The following USH2A variants were observed in gnomAD, a reference collection of about 807,000 sequenced individuals.
The protein encoded by USH2A is Usher syndrome 2A (autosomal recessive, mild).
USH2A carries 443 observed loss-of-function variants against 538.9 expected under a neutral mutation model. The observed-to-expected ratio is 0.82, with a 90% CI of 0.76 to 0.89. The LOEUF is 0.89. Ranked by LOEUF, USH2A falls within the 40% of genes least tolerant of loss-of-function variation. The probability of loss-of-function intolerance (pLI) is 0.00; values close to 1 mark genes in which losing one functional copy is unlikely to be tolerated. For synonymous variants in USH2A, 2,413 were observed against 2,273.5 expected (o/e 1.06, Z -1.75); for missense variants, 6,633 against 6,324.8 (o/e 1.05, Z -1.65).
intron 21 of USH2A, among the ~76,000 whole-genome samples, chr1:216,102,020 A>T (rs1471497028): frequency 6.6e-6 from 1 of 152,208 alleles, no homozygotes; most frequent in African/African-American, 2.4e-5. Flanking sequence ...CTTAAACGAT[A>T]AATGTGAAGC....
At chr1:216,042,410 C>T (rs567898724) in intron 32 of USH2A, among the ~76,000 whole-genome samples, 5 of 151,956 alleles carry the variant, frequency 3.3e-5, no homozygotes, top group South Asian at 2.1e-4. Flanking sequence ...TTCCACTTCT[C>T]GGTTTCTCTA....
chr1:216,365,900 G>A (rs2038586816), intron 3 of USH2A, among the ~76,000 whole-genome samples: 1 of 152,132 alleles, frequency 6.6e-6, no homozygotes, highest in Non-Finnish European at 1.5e-5. Flanking sequence ...GTTGTAGCTT[G>A]ATAACTCTTG....
chr1:215,850,996 T>A (rs1005468158), intron 44 of USH2A, among the ~76,000 whole-genome samples: 9 of 152,148 alleles, frequency 5.9e-5, no homozygotes. Flanking sequence ...TTGAACTGAA[T>A]GATAATAGTG....
chr1:216,401,313 C>A (rs1376018018), intron 3 of USH2A, among the ~76,000 whole-genome samples: 2 of 151,978 alleles, frequency 1.3e-5, no homozygotes, highest in Non-Finnish European at 2.9e-5. Context: ...GCTGTTAAAA[C>A]ACCAAGATAG....
At chr1:216,058,869 A>G (rs771722099) in intron 30 of USH2A, among the ~76,000 whole-genome samples, 7 of 152,318 alleles carry the variant, frequency 4.6e-5, no homozygotes, top group Admixed American at 6.5e-5. Context: ...TAAGATAAGT[A>G]TATTAATCAC....
chr1:216,079,047 T>G (rs2031847422), intron 26 of USH2A: 1 of 152,200 alleles, frequency 6.6e-6, no homozygotes, highest in Non-Finnish European at 1.5e-5. Context: ...ATAATTATTT[T>G]ACCTAATATA....
chr1:216,146,381 A>G (rs1338646612), intron 21 of USH2A, among the ~76,000 whole-genome samples: 1 of 152,220 alleles, frequency 6.6e-6, no homozygotes, highest in Non-Finnish European at 1.5e-5. Flanking sequence ...CGCTGGTCAC[A>G]GACTGGGAAG....
At chr1:216,155,629 A>G (rs1419969347) in intron 21 of USH2A, among the ~76,000 whole-genome samples, 1 of 152,102 alleles carries the variant, frequency 6.6e-6, no homozygotes, top group Non-Finnish European at 1.5e-5. Flanking sequence ...AACCTTCAAG[A>G]CTTCAGAGAG....
rs35698520 is a variant in USH2A, at chr1:216,156,295, CT to C, written c.4627+18956del. On this transcript the variant is annotated intron_variant, in intron 21 of 71. Coordinates refer to ENST00000307340, the MANE Select transcript of USH2A (RefSeq NM_206933.4). ...TTCTTTCTTTCTTTCTTTTTTTTTTCTTTTTTTTTTTTTTTTTGGCCTAGCT... is the reference window on the plus strand; with the variant it reads ...TTCTTTCTTTCTTTCTTTTTTTTTTCTTTTTTTTTTTTTTTTGGCCTAGCT... Among the ~76,000 whole-genome samples the C allele has an allele frequency of 1.8e-4, 19 of 105,522 alleles. 1 individual carries two copies. Among genetic ancestry groups the C allele is most frequent in the Admixed American group, 5.6e-4 (5 of 8,982 alleles). 69.2% of individuals were successfully genotyped at this position (105,522 alleles called of 152,430 possible).
chr1:215,924,471 T>A lies in USH2A; in HGVS notation c.7300+10145A>T, dbSNP rs903198296. ...CATAGAATTTTATGCAAGTCAGGCATACAGTTTGTCTATGAAAAAATGAGG... is the reference window on the plus strand; with the variant it reads ...CATAGAATTTTATGCAAGTCAGGCAAACAGTTTGTCTATGAAAAAATGAGG... On this transcript the variant is annotated intron_variant, in intron 38 of 71. Coordinates refer to ENST00000307340, the MANE Select transcript of USH2A (RefSeq NM_206933.4). 1.2e-4 allele frequency among the ~76,000 whole-genome samples: 19 copies of A among 152,110 alleles called. 1 individual carries two copies. Among genetic ancestry groups the A allele is most frequent in the African/African-American group, 4.1e-4 (17 of 41,452 alleles).
At chr1:216,341,076 G>T (rs1422065937) in intron 4 of USH2A, among the ~76,000 whole-genome samples, 2 of 152,098 alleles carry the variant, frequency 1.3e-5, no homozygotes, top group East Asian at 3.9e-4. Context: ...CAGGCGACAT[G>T]ATTCTATATT....
intron 61 of USH2A, among the ~76,000 whole-genome samples, chr1:215,725,330 A>G (rs1053760634): frequency 6.6e-6 from 1 of 152,186 alleles, no homozygotes; most frequent in Non-Finnish European, 1.5e-5. Context: ...AAACAAAAAT[A>G]TTGAACACAA....
chr1:216,224,180 T>C (rs1458074878), intron 14 of USH2A, among the ~76,000 whole-genome samples: 1 of 152,134 alleles, frequency 6.6e-6, no homozygotes, highest in Non-Finnish European at 1.5e-5. Flanking sequence ...GGTTGTTATG[T>C]AAGAAAACTG....
At chr1:215,982,763 C>T (rs747637569) in intron 35 of USH2A, among the ~76,000 whole-genome samples, 3 of 151,968 alleles carry the variant, frequency 2.0e-5, no homozygotes, top group South Asian at 2.1e-4. Flanking sequence ...ACTTCCTTCA[C>T]AAAACTTTCA....
At chr1:216,284,904 T>C (rs1571659684) in intron 11 of USH2A, among the ~76,000 whole-genome samples, 1 of 152,160 alleles carries the variant, frequency 6.6e-6, no homozygotes, top group South Asian at 2.1e-4. Flanking sequence ...AAGAGGCTGG[T>C]GGCATTTTGC....
At chr1:216,117,861 T>C (rs1030503528) in intron 21 of USH2A, among the ~76,000 whole-genome samples, 8 of 151,048 alleles carry the variant, frequency 5.3e-5, no homozygotes, top group Admixed American at 4.6e-4. Context: ...GATATATATA[T>C]GCATGTATAC....
intron 11 of USH2A, among the ~76,000 whole-genome samples, chr1:216,285,796 A>G (rs913900902): frequency 6.6e-6 from 1 of 152,204 alleles, no homozygotes. Context: ...GATGTAAGAT[A>G]TGGAGTCAAA....
intron 45 of USH2A, among the ~76,000 whole-genome samples, chr1:215,844,941 A>G (rs1402620657): frequency 1.3e-5 from 2 of 152,224 alleles, no homozygotes; most frequent in East Asian, 3.9e-4. Context: ...TGATGTTACT[A>G]GCTTGTAACT....
chr1:216,250,476 C>T (rs537307705), intron 12 of USH2A, among the ~76,000 whole-genome samples: 1 of 152,060 alleles, frequency 6.6e-6, no homozygotes, highest in South Asian at 2.1e-4. Context: ...CACAAAGGAC[C>T]CTGTAGCACA....
Sources: gnomAD v4.1 joint callset for allele counts (sites outside exome capture counted in the v4.1 genomes callset) on GRCh38, gnomAD v4.1.1 for gene constraint, MANE v1.5 for transcripts, NCBI Gene and HGNC (gene_info 2026-07-23, HGNC 2026-07-21) for gene names.